The following KAZN variants were observed in gnomAD, a reference collection of about 807,000 sequenced individuals.
The protein encoded by KAZN is kazrin.
Under a neutral mutation model 87.4 loss-of-function variants are expected in KAZN, and 40 were observed. The ratio of observed to expected loss-of-function variants is 0.46; its 90% CI spans 0.36 to 0.60. The LOEUF (loss-of-function observed/expected upper bound fraction) is 0.60, where lower values mean the gene tolerates loss of function less well. KAZN is among the 20% of genes least tolerant of loss of function. The pLI is 0.00. For missense variants in KAZN, 898 were observed against 1,073.9 expected (o/e 0.84, Z 2.29); for synonymous variants, 466 against 458.3 (o/e 1.02, Z -0.22).
intron 2 of KAZN, among the ~76,000 whole-genome samples, chr1:14,339,976 C>T (rs1172799171): frequency 6.6e-6 from 1 of 152,210 alleles, no homozygotes; most frequent in African/African-American, 2.4e-5. Context: ...AAGCAGCTCT[C>T]CCACCATGCT....
intron 1 of KAZN, among the ~76,000 whole-genome samples, chr1:14,782,198 T>A (rs1374653990): frequency 6.6e-6 from 1 of 152,122 alleles, no homozygotes; most frequent in Non-Finnish European, 1.5e-5. Context: ...TTTAGGCAAA[T>A]ATATTGATCG....
At position 15,066,662 on chromosome 1, in the gene KAZN, T is replaced by C. The variant is rs1639248456; in HGVS notation, c.1222+909T>C. The C allele has an allele frequency of 1.0e-6, 1 of 985,232 alleles. No homozygotes were observed. The allele number at this position is 985,232 out of a possible 1,614,324, so 61.0% of individuals were successfully genotyped here. A position where few individuals can be genotyped will look rare whatever the true frequency, so the allele number is the denominator to read the frequency against. On this transcript the variant is annotated intron_variant, in intron 8 of 14. Transcript: ENST00000376030. The surrounding 1 kb of genome is among the most constrained non-coding windows in gnomAD (Gnocchi z 4.3). Reference sequence around the variant, plus strand: ...TACATAAATATTGGAATGTCTATTTTTCCATGGGGTGGGCGGGAGGTGGGT... The same window carrying C: ...TACATAAATATTGGAATGTCTATTTCTCCATGGGGTGGGCGGGAGGTGGGT...
intron 1 of KAZN, among the ~76,000 whole-genome samples, chr1:14,050,630 C>T (rs531270014): frequency 7.2e-5 from 11 of 152,304 alleles, no homozygotes; most frequent in South Asian, 2.1e-4. Context: ...TTCCCTCCCT[C>T]GACATGTGGG....
chr1:14,508,205 T>C (rs981442492), intron 2 of KAZN, among the ~76,000 whole-genome samples: 2 of 152,136 alleles, frequency 1.3e-5, no homozygotes, highest in African/African-American at 2.4e-5. Flanking sequence ...AGCCTAGGTA[T>C]GTTCGTGCAA....
intron 1 of KAZN, among the ~76,000 whole-genome samples, chr1:14,707,688 A>T (rs551619859): frequency 2.0e-5 from 3 of 152,246 alleles, no homozygotes; most frequent in East Asian, 1.9e-4. Flanking sequence ...ACTGCTCTGC[A>T]TATTTGTTTG....
intron 1 of KAZN, among the ~76,000 whole-genome samples, chr1:14,904,160 G>A (rs865979664): frequency 2.0e-5 from 3 of 152,260 alleles, no homozygotes; most frequent in South Asian, 2.1e-4. Context: ...GGCCTGTTAT[G>A]GAAATTCTTT....
intron 2 of KAZN, among the ~76,000 whole-genome samples, chr1:14,221,459 C>A (rs1647095765): frequency 6.6e-6 from 1 of 151,870 alleles, no homozygotes; most frequent in African/African-American, 2.4e-5. Flanking sequence ...TTTTCTTTGT[C>A]TTTTTCTTTC....
intron 2 of KAZN, among the ~76,000 whole-genome samples, chr1:14,282,490 T>A (rs1306736961): frequency 6.6e-6 from 1 of 152,204 alleles, no homozygotes; most frequent in Admixed American, 6.5e-5. Context: ...TTAACATGTA[T>A]CCCTCTCATT....
chr1:14,562,629 G>T (rs943411836), intron 2 of KAZN, among the ~76,000 whole-genome samples: 1 of 152,120 alleles, frequency 6.6e-6, no homozygotes, highest in East Asian at 1.9e-4. Context: ...CAGTCTTGTG[G>T]GTGGTGGAAC....
At chr1:15,086,863 T>A (rs1640283405) in intron 8 of KAZN, among the ~76,000 whole-genome samples, 1 of 152,268 alleles carries the variant, frequency 6.6e-6, no homozygotes. Context: ...ATTAAGGCCG[T>A]GGTTCTAGAA....
At chr1:14,946,959 G>A (rs1230812250) in intron 1 of KAZN, among the ~76,000 whole-genome samples, 8 of 152,130 alleles carry the variant, frequency 5.3e-5, no homozygotes, top group African/African-American at 1.4e-4. Context: ...TAGCTCTCCC[G>A]CCCGGAGCTA....
rs1042637610 is a variant in KAZN at position 14,180,462 on chromosome 1, A to G, written c.119A>G (p.Asp40Gly). ...GTGCAATCATTGCACACCCTCAATG[A>G]CCAGATTTCCCATTTTATTGTCACC... The change falls in exon 2 of 17, where the codon GAC becomes GGC. Residue 40 changes from aspartate to glycine, a missense_variant. By Grantham distance (94) the Asp-to-Gly change is moderately conservative (BLOSUM62 -1). Transcript: ENST00000636203. The G allele has an allele frequency of 4.5e-6, 7 of 1,550,134 alleles. No homozygotes were observed. The African/African-American group carries it at 8.2e-5, about 18-fold the overall frequency.
At chr1:14,608,655 TG>T (rs2148616052) in intron 1 of KAZN, among the ~76,000 whole-genome samples, 1 of 152,298 alleles carries the variant, frequency 6.6e-6, no homozygotes, top group East Asian at 1.9e-4. Context: ...TGGATGATAC[TG>T]GGTTTAGATC....
At chr1:14,763,414 C>T (rs547066321) in intron 1 of KAZN, among the ~76,000 whole-genome samples, 1 of 152,312 alleles carries the variant, frequency 6.6e-6, no homozygotes, top group South Asian at 2.1e-4. Flanking sequence ...CCGGCCAGGG[C>T]CCCTGAGGAT....
chr1:14,482,132 T>C (rs973694317), intron 2 of KAZN, among the ~76,000 whole-genome samples: 9 of 152,152 alleles, frequency 5.9e-5, no homozygotes, highest in African/African-American at 2.2e-4. Context: ...AAAGGCCAGA[T>C]AGGAAGAAGG....
intron 2 of KAZN, among the ~76,000 whole-genome samples, chr1:14,473,550 C>A (rs568106328): frequency 1.3e-5 from 2 of 149,766 alleles, no homozygotes; most frequent in Non-Finnish European, 3.0e-5. Flanking sequence ...TCGCTTGAAC[C>A]GGGGAGGCAG....
chr1:14,408,971 A>C (rs1664089035), intron 2 of KAZN, among the ~76,000 whole-genome samples: 1 of 152,178 alleles, frequency 6.6e-6, no homozygotes, highest in Non-Finnish European at 1.5e-5. Context: ...ATTTAAGATG[A>C]GACCAGAGGA....
chr1:14,828,785 C>T (rs1646971349), intron 1 of KAZN, among the ~76,000 whole-genome samples: 1 of 152,164 alleles, frequency 6.6e-6, no homozygotes, highest in South Asian at 2.1e-4. Flanking sequence ...AGTCTCTTTC[C>T]ATCTTTCCAA....
chr1:13,913,452 C>T (rs550653951), intron 1 of KAZN, among the ~76,000 whole-genome samples: 1 of 152,194 alleles, frequency 6.6e-6, no homozygotes, highest in Non-Finnish European at 1.5e-5. Context: ...GCGGCTGCTC[C>T]CCAGAGCTGC....
Sources: allele counts gnomAD v4.1 joint callset (sites outside exome capture counted in the v4.1 genomes callset), GRCh38; gene constraint gnomAD v4.1.1; non-coding constraint Gnocchi (gnomAD v3.1); transcripts MANE v1.5; gene names NCBI Gene and HGNC (gene_info 2026-07-23, HGNC 2026-07-21).